CCDC50: variants seen among roughly 807,000 people sequenced by gnomAD.
The protein encoded by CCDC50 is coiled-coil domain containing 50.
A neutral mutation model predicts 70.2 loss-of-function variants in CCDC50; 54 were observed. The ratio of observed to expected loss-of-function variants is 0.77; its 90% CI spans 0.62 to 0.96. The LOEUF is 0.96. CCDC50 is among the 50% of genes least tolerant of loss of function. The pLI is 0.00. For missense variants in CCDC50, 558 were observed against 578.7 expected (o/e 0.96, Z 0.37); for synonymous variants, 216 against 198.8 (o/e 1.09, Z -0.73).
chr3:191,383,312 G>A (rs1178156367), intron 10 of CCDC50, among the ~76,000 whole-genome samples: 1 of 152,062 alleles, frequency 6.6e-6, no homozygotes, highest in East Asian at 1.9e-4. Flanking sequence ...TGGCTATGGT[G>A]TACATACTTT....
intron 1 of CCDC50, among the ~76,000 whole-genome samples, chr3:191,354,429 A>C (rs1712207789): frequency 6.6e-6 from 1 of 152,218 alleles, no homozygotes; most frequent in Non-Finnish European, 1.5e-5. Context: ...ACTGAAGTTA[A>C]GAAATATTTT....
At chr3:191,360,180 T>C (rs188499710) in intron 3 of CCDC50, among the ~76,000 whole-genome samples, 34 of 152,356 alleles carry the variant, frequency 2.2e-4, no homozygotes, top group African/African-American at 7.5e-4. Flanking sequence ...TTACCGCTTG[T>C]TTACTACTGC....
chr3:191,371,300 A>G (rs1712905913), intron 5 of CCDC50, among the ~76,000 whole-genome samples: 2 of 152,018 alleles, frequency 1.3e-5, no homozygotes, highest in Non-Finnish European at 2.9e-5. Flanking sequence ...GTGATTCTTT[A>G]TCTTAAAAAT....
chr3:191,350,962 A>C (rs1462356560), intron 1 of CCDC50, among the ~76,000 whole-genome samples: 1 of 141,102 alleles, frequency 7.1e-6, no homozygotes, highest in Non-Finnish European at 1.6e-5. Flanking sequence ...AGAGTAAACA[A>C]AATTCCTGCT....
At chr3:191,334,446 T>A (rs1576945773) in intron 1 of CCDC50, among the ~76,000 whole-genome samples, 1 of 152,300 alleles carries the variant, frequency 6.6e-6, no homozygotes, top group African/African-American at 2.4e-5. Context: ...CCATAGTTAA[T>A]TGGTACTTTA....
chr3:191,329,572 CT>C lies in CCDC50; in HGVS notation c.-100del. 1 of 1,262,306 alleles carries C rather than the reference CT, an allele frequency of 7.9e-7. No individual in the cohort carries two copies. Among genetic ancestry groups the C allele is most frequent in the Non-Finnish European group, 1.1e-6 (1 of 914,646 alleles). The allele number at this position is 1,262,306 out of a possible 1,614,324, so 78.2% of individuals were successfully genotyped here. A position where few individuals can be genotyped will look rare whatever the true frequency, so the allele number is the denominator to read the frequency against. On this transcript the variant is annotated 5_prime_UTR_variant, in exon 1 of 12. Coordinates refer to ENST00000392455, the MANE Select transcript of CCDC50 (RefSeq NM_178335.3). ...CGGCCTGCGAGCCCTGCCGGCCGGA[CT>C]TTGCGCCGCGTCCGGCGCTGCTGCT... is the stretch of plus-strand genomic sequence containing the variant.
chr3:191,377,206 G>C (rs1232626753), intron 6 of CCDC50, among the ~76,000 whole-genome samples: 1 of 152,072 alleles, frequency 6.6e-6, no homozygotes, highest in Non-Finnish European at 1.5e-5. Context: ...GTAGGCATTT[G>C]ATTTTGTAAC....
intron 5 of CCDC50, among the ~76,000 whole-genome samples, chr3:191,373,850 T>C (rs543774089): frequency 8.1e-4 from 124 of 152,188 alleles, no homozygotes; most frequent in Non-Finnish European, 1.5e-3. Context: ...CAATTTGAGG[T>C]TTTTAATGGA....
chr3:191,340,049 C>T (rs944288454), intron 1 of CCDC50, among the ~76,000 whole-genome samples: 3 of 152,174 alleles, frequency 2.0e-5, no homozygotes, highest in Non-Finnish European at 4.4e-5. Flanking sequence ...ATGTATAATA[C>T]TTGTATCCAA....
chr3:191,347,015 C>G (rs1470749349), intron 1 of CCDC50, among the ~76,000 whole-genome samples: 1 of 135,140 alleles, frequency 7.4e-6, no homozygotes, highest in Non-Finnish European at 1.7e-5. Context: ...ATACTCTTGA[C>G]AGTTTGGTGC....
intron 1 of CCDC50, among the ~76,000 whole-genome samples, chr3:191,346,517 G>A (rs1036418949): frequency 1.3e-5 from 2 of 152,152 alleles, no homozygotes; most frequent in South Asian, 4.1e-4. Flanking sequence ...TGGAGAGTAC[G>A]TTTGGGACTT....
rs539025149 is a variant in CCDC50 at position 191,395,228 on chromosome 3, A to T, written c.*3468A>T. ...CTAATGTGTCCTGAAGCTGAGCTAG[A>T]TGATGAGTAAATTCTTTGCTGACTG... On this transcript the variant is annotated 3_prime_UTR_variant, in exon 12 of 12. Transcript: ENST00000392455. The T allele has an allele frequency of 7.2e-5, 11 of 152,290 alleles. No individual in the cohort carries two copies. The highest frequency in any genetic ancestry group is 2.6e-4 in the African/African-American group (11 of 41,578). The allele number at this position is 152,290 out of a possible 1,614,324, so 9.4% of individuals were successfully genotyped here.
chr3:191,331,496 C>A (rs1017645309), intron 1 of CCDC50, among the ~76,000 whole-genome samples: 1 of 152,066 alleles, frequency 6.6e-6, no homozygotes, highest in Non-Finnish European at 1.5e-5. Flanking sequence ...TTGCGTAATA[C>A]GGTGTTTGGC....
chr3:191,333,864 G>A (rs932456262), intron 1 of CCDC50, among the ~76,000 whole-genome samples: 2 of 151,812 alleles, frequency 1.3e-5, no homozygotes, highest in African/African-American at 4.8e-5. Flanking sequence ...TAAAAACTTC[G>A]AATTTTTTTC....
At chr3:191,340,997 T>C (rs1465127544) in intron 1 of CCDC50, among the ~76,000 whole-genome samples, 1 of 151,834 alleles carries the variant, frequency 6.6e-6, no homozygotes, top group East Asian at 1.9e-4. Context: ...AATTAATTTT[T>C]TTTTTTTTGG....
chr3:191,389,821 C>T (rs893312392), intron 11 of CCDC50, among the ~76,000 whole-genome samples: 21 of 147,596 alleles, frequency 1.4e-4, no homozygotes, highest in African/African-American at 4.5e-4. Context: ...GCATTTTCCT[C>T]GAGAGGGAGC....
At chr3:191,386,774 G>A (rs1244227847) in intron 10 of CCDC50, among the ~76,000 whole-genome samples, 5 of 152,112 alleles carry the variant, frequency 3.3e-5, no homozygotes, top group African/African-American at 7.2e-5. Context: ...TAACCAAGGA[G>A]GTGAAAGATC....
At chr3:191,372,645 A>G (rs555858265) in intron 5 of CCDC50, among the ~76,000 whole-genome samples, 2 of 152,264 alleles carry the variant, frequency 1.3e-5, no homozygotes, top group Admixed American at 1.3e-4. Context: ...TCAAACTTTA[A>G]TACATTATCT....
Position 191,367,721 on chromosome 3 carries a change from T to TTATATTTTTTCCTC in CCDC50, c.331-2197_331-2184dup, listed in dbSNP as rs1485427942. On this transcript the variant is annotated intron_variant, in intron 4 of 11. Transcript: ENST00000392455. ...GGAAGTTGGACCTGATAATTTTCCTTTATATTTTTTCCTCAGTTATAGCAG... is the reference window on the plus strand; with the variant it reads ...GGAAGTTGGACCTGATAATTTTCCTTTATATTTTTTCCTCTATATTTTTTCCTCAGTTATAGCAG... 2.6e-5 allele frequency among the ~76,000 whole-genome samples: 4 copies of TTATATTTTTTCCTC among 152,100 alleles called. No individual in the cohort carries two copies. The East Asian group carries it at 7.7e-4, about 29-fold the overall frequency.
Sources: gnomAD v4.1 joint callset for allele counts (sites outside exome capture counted in the v4.1 genomes callset) on GRCh38, gnomAD v4.1.1 for gene constraint, MANE v1.5 for transcripts, NCBI Gene and HGNC (gene_info 2026-07-23, HGNC 2026-07-21) for gene names.